The following CDH12 variants were observed in gnomAD, a reference collection of about 807,000 sequenced individuals.
The protein encoded by CDH12 is cadherin-12.
Under a neutral mutation model 74.1 loss-of-function variants are expected in CDH12, and 41 were observed. That is an observed-to-expected ratio of 0.55 (90% CI 0.43 to 0.72). The LOEUF (loss-of-function observed/expected upper bound fraction) is 0.72. Among genes scored for constraint, CDH12 ranks in the 30% least tolerant of loss-of-function variants. The pLI, the probability that CDH12 is intolerant of heterozygous loss-of-function variation, is 0.00. For missense variants in CDH12, 945 were observed against 977.2 expected (o/e 0.97, Z 0.44); for synonymous variants, 399 against 355.0 (o/e 1.12, Z -1.39).
At chr5:22,193,800 A>G (rs1750443498) in intron 4 of CDH12, among the ~76,000 whole-genome samples, 1 of 152,070 alleles carries the variant, frequency 6.6e-6, no homozygotes, top group African/African-American at 2.4e-5. Context: ...ACTGCAGTAG[A>G]GAATATAGTA....
intron 3 of CDH12, among the ~76,000 whole-genome samples, chr5:22,283,275 CAT>C (rs1256456723): frequency 0.017 from 2,319 of 133,610 alleles, 34 homozygotes; most frequent in African/African-American, 0.051. Flanking sequence ...CACACACACA[CAT>C]ATACACACAT....
intron 3 of CDH12, among the ~76,000 whole-genome samples, chr5:22,336,335 G>A (rs2150449957): frequency 6.6e-6 from 1 of 152,300 alleles, no homozygotes; most frequent in African/African-American, 2.4e-5. Context: ...AAATTCAAGA[G>A]GGCTGAAGAA....
At chr5:22,797,084 C>T (rs1395894226) in intron 1 of CDH12, among the ~76,000 whole-genome samples, 2 of 150,116 alleles carry the variant, frequency 1.3e-5, no homozygotes, top group East Asian at 2.0e-4. Context: ...GCTCAAATTC[C>T]TATGTTGAAA....
At chr5:22,328,663 A>G (rs961922768) in intron 3 of CDH12, among the ~76,000 whole-genome samples, 1 of 152,206 alleles carries the variant, frequency 6.6e-6, no homozygotes, top group Non-Finnish European at 1.5e-5. Flanking sequence ...TGGTGTCTCT[A>G]AAGATGTAAG....
chr5:22,710,639 A>G (rs1743240003), intron 1 of CDH12, among the ~76,000 whole-genome samples: 1 of 152,192 alleles, frequency 6.6e-6, no homozygotes, highest in Admixed American at 6.6e-5. Context: ...GGAATTTGCA[A>G]AAGAGAAAGC....
intron 4 of CDH12, among the ~76,000 whole-genome samples, chr5:22,095,386 A>T (rs1199138536): frequency 6.6e-6 from 1 of 152,090 alleles, no homozygotes; most frequent in African/African-American, 2.4e-5. Flanking sequence ...GGCGCCGGTC[A>T]TGGACTCGGG....
At chr5:22,190,960 A>G (rs935424313) in intron 4 of CDH12, among the ~76,000 whole-genome samples, 1 of 152,296 alleles carries the variant, frequency 6.6e-6, no homozygotes, top group African/African-American at 2.4e-5. Context: ...CCTTGCCTCA[A>G]TGTGGGAGTA....
At chr5:22,626,061 A>T (rs1738274287) in intron 1 of CDH12, among the ~76,000 whole-genome samples, 1 of 151,808 alleles carries the variant, frequency 6.6e-6, no homozygotes, top group Non-Finnish European at 1.5e-5. Flanking sequence ...TGCTAACCCC[A>T]TGGAGGCACA....
intron 2 of CDH12, among the ~76,000 whole-genome samples, chr5:22,489,846 A>G (rs934423309): frequency 1.3e-5 from 2 of 151,742 alleles, no homozygotes; most frequent in Non-Finnish European, 2.9e-5. Context: ...TGCCCAGCTA[A>G]TTTTAAAATT....
chr5:22,272,571 C>G (rs1167756653), intron 3 of CDH12, among the ~76,000 whole-genome samples: 1 of 152,158 alleles, frequency 6.6e-6, no homozygotes, highest in East Asian at 1.9e-4. Flanking sequence ...TAAGCTTAAC[C>G]ATTTCTAGCT....
chr5:22,031,168 A>G (rs1293358728), intron 5 of CDH12, among the ~76,000 whole-genome samples: 1 of 152,024 alleles, frequency 6.6e-6, no homozygotes, highest in Non-Finnish European at 1.5e-5. Context: ...CTCTGTCTCT[A>G]CTAAAAATAG....
At chr5:22,579,207 T>C (rs1215958029) in intron 1 of CDH12, among the ~76,000 whole-genome samples, 2 of 152,174 alleles carry the variant, frequency 1.3e-5, no homozygotes, top group Admixed American at 1.3e-4. Context: ...TTTATGAATA[T>C]TAGTTCCCTT....
chr5:22,825,273 C>T (rs1736245225), intron 1 of CDH12, among the ~76,000 whole-genome samples: 1 of 150,224 alleles, frequency 6.7e-6, no homozygotes, highest in South Asian at 2.1e-4. Flanking sequence ...TATACTTACA[C>T]ATATATAATT....
intron 6 of CDH12, among the ~76,000 whole-genome samples, chr5:21,856,167 A>G (rs1750745257): frequency 6.6e-6 from 1 of 151,658 alleles, no homozygotes; most frequent in Admixed American, 6.6e-5. Flanking sequence ...CATTAAACAC[A>G]ATTTGACCAA....
chr5:22,839,458 A>C (rs940491811), intron 1 of CDH12, among the ~76,000 whole-genome samples: 1 of 150,508 alleles, frequency 6.6e-6, no homozygotes, highest in Admixed American at 6.7e-5. Context: ...TCCTGGGTTC[A>C]AGCAATTCTG....
chr5:21,831,250 A>G (rs1011916858), intron 8 of CDH12, among the ~76,000 whole-genome samples: 6 of 152,226 alleles, frequency 3.9e-5, no homozygotes, highest in African/African-American at 1.4e-4. Context: ...ATAAACATCA[A>G]TACCATAGCT....
At chr5:22,006,912 T>A (rs1410011631) in intron 5 of CDH12, among the ~76,000 whole-genome samples, 1 of 152,142 alleles carries the variant, frequency 6.6e-6, no homozygotes, top group African/African-American at 2.4e-5. Flanking sequence ...TATCTCAAAT[T>A]ATAAACTTTA....
chr5:22,616,177 AT>A (rs1380335680), intron 1 of CDH12, among the ~76,000 whole-genome samples: 1 of 152,098 alleles, frequency 6.6e-6, no homozygotes, highest in Non-Finnish European at 1.5e-5. Flanking sequence ...TGTACTGTTC[AT>A]TTCAACAAGT....
chr5:22,204,173 TTTG>T (rs1415849633), intron 4 of CDH12, among the ~76,000 whole-genome samples: 328 of 148,092 alleles, frequency 2.2e-3, no homozygotes, highest in African/African-American at 7.5e-3. Context: ...TTTTTTTTTT[TTTG>T]TTTTTTGTTT....
Sources: gnomAD v4.1 joint callset for allele counts (sites outside exome capture counted in the v4.1 genomes callset) on GRCh38, gnomAD v4.1.1 for gene constraint, MANE v1.5 for transcripts, NCBI Gene and HGNC (gene_info 2026-07-23, HGNC 2026-07-21) for gene names.